Variants in JARID2 observed in about 807,000 individuals in gnomAD.
The protein encoded by JARID2 is jumonji and AT-rich interaction domain containing 2, also known as protein Jumonji.
JARID2 carries 21 observed loss-of-function variants against 125.6 expected under a neutral mutation model. That is an observed-to-expected ratio of 0.17 (90% CI 0.12 to 0.24). The LOEUF is 0.24. JARID2 is among the 10% of genes least tolerant of loss of function. JARID2 has a pLI of 1.00. For synonymous variants in JARID2, 736 were observed against 661.6 expected, an observed-to-expected ratio of 1.11 and a Z score of -1.73; for missense variants, 1,303 against 1,639.6, an observed-to-expected ratio of 0.79 and a Z score of 3.55.
At chr6:15,325,635 A>T (rs536127688) in intron 1 of JARID2, among the ~76,000 whole-genome samples, 1 of 152,316 alleles carries the variant, frequency 6.6e-6, no homozygotes, top group East Asian at 1.9e-4. Context: ...AATCTTGCTA[A>T]GTCAAGGAAA....
At chr6:15,433,924 GTGTGTGTGT>G (rs1561860300) in intron 3 of JARID2, among the ~76,000 whole-genome samples, 21 of 25,360 alleles carry the variant, frequency 8.3e-4, no homozygotes, top group African/African-American at 3.1e-3. Context: ...TCTCCAGGGT[GTGTGTGTGT>G]GTGTGTGTGT....
intron 4 of JARID2, among the ~76,000 whole-genome samples, chr6:15,461,357 A>G (rs1024915647): frequency 1.3e-5 from 2 of 152,114 alleles, no homozygotes; most frequent in African/African-American, 4.8e-5. Flanking sequence ...ATACTACCCT[A>G]ATGTCGGGAA....
At chr6:15,339,916 T>A (rs1456183009) in intron 1 of JARID2, among the ~76,000 whole-genome samples, 1 of 152,118 alleles carries the variant, frequency 6.6e-6, no homozygotes, top group Non-Finnish European at 1.5e-5. Context: ...CAGAGGACAA[T>A]GTTGCTGTTA....
intron 1 of JARID2, among the ~76,000 whole-genome samples, chr6:15,302,674 A>G (rs539036739): frequency 9.8e-5 from 15 of 152,318 alleles, no homozygotes; most frequent in African/African-American, 3.6e-4. Context: ...AAGGCAAAGG[A>G]TAACATATAA....
chr6:15,296,206 TG>T (rs1326046427), intron 1 of JARID2, among the ~76,000 whole-genome samples: 7 of 152,196 alleles, frequency 4.6e-5, no homozygotes, highest in Non-Finnish European at 8.8e-5. Context: ...TAAATGCTAT[TG>T]TTTTTTTATT....
rs146025914 is a variant in JARID2, at chr6:15,433,921, G to GGTGTGTGTGTGTGTGTGT, written c.324-18052_324-18035dup. The stretch of plus-strand genomic sequence containing the variant: ...TTTTCCAGTAGCCCTCACTCTCCAG[G>GGTGTGTGTGTGTGTGTGT]GTGTGTGTGTGTGTGTGTGTGTGTG... On this transcript the variant is annotated intron_variant, in intron 3 of 17. Transcript: ENST00000341776. Among the ~76,000 whole-genome samples the GGTGTGTGTGTGTGTGTGT allele has an allele frequency of 1.4e-4, 19 of 131,382 alleles. 1 individual carries two copies. Among genetic ancestry groups the GGTGTGTGTGTGTGTGTGT allele is most frequent in the East Asian group, 1.4e-3 (6 of 4,194 alleles). 86.2% of individuals were successfully genotyped at this position (131,382 alleles called of 152,430 possible). A position where few individuals can be genotyped will look rare whatever the true frequency, so the allele number is the denominator to read the frequency against.
chr6:15,510,516 C>A (rs1771225382), intron 12 of JARID2, among the ~76,000 whole-genome samples: 1 of 152,194 alleles, frequency 6.6e-6, no homozygotes, highest in African/African-American at 2.4e-5. Context: ...CCTTTTCTTA[C>A]ACTTGAGGAC....
At chr6:15,355,456 A>G (rs1417340710) in intron 1 of JARID2, among the ~76,000 whole-genome samples, 1 of 152,226 alleles carries the variant, frequency 6.6e-6, no homozygotes, top group African/African-American at 2.4e-5. Context: ...TTATTCACAC[A>G]CAGTATTTCA....
intron 4 of JARID2, among the ~76,000 whole-genome samples, chr6:15,458,087 C>A (rs149791993): frequency 9.8e-4 from 149 of 152,258 alleles, no homozygotes; most frequent in African/African-American, 3.4e-3. Flanking sequence ...CTGGCACACG[C>A]GGGGAAGAGG....
At chr6:15,452,314 GAGAA>G in intron 4 of JARID2, 139 bp downstream of exon 4, 1 of 1,276,252 alleles carries the variant, frequency 7.8e-7, no homozygotes, top group Non-Finnish European at 1.0e-6. Flanking sequence ...AATTGAAAGT[GAGAA>G]ATCCCACCGA....
chr6:15,490,921 C>T lies in JARID2; in HGVS notation c.906+3379C>T, dbSNP rs188420503. ...CCACATGTGATTCTCATTTCTTACG[C>T]TGAGGCTGAGTGTGAGAAGAAAATG... On this transcript the variant is annotated intron_variant, in intron 6 of 17. Coordinates refer to ENST00000341776, the MANE Select transcript of JARID2 (RefSeq NM_004973.4). 4.9e-4 allele frequency among the ~76,000 whole-genome samples: 74 copies of T among 152,288 alleles called. 1 individual carries two copies. The highest frequency in any genetic ancestry group is 4.2e-3 in the Admixed American group (64 of 15,302).
chr6:15,502,701 C>T (rs556789607), intron 8 of JARID2, among the ~76,000 whole-genome samples: 1 of 152,344 alleles, frequency 6.6e-6, no homozygotes, highest in South Asian at 2.1e-4. Flanking sequence ...ATCTCATGTC[C>T]TTGCACACTT....
intron 1 of JARID2, among the ~76,000 whole-genome samples, chr6:15,305,887 T>A (rs778312848): frequency 6.6e-6 from 1 of 152,252 alleles, no homozygotes; most frequent in Non-Finnish European, 1.5e-5. Flanking sequence ...TTTAGGTATT[T>A]GTGTTATATG....
chr6:15,288,387 G>A (rs981908784), intron 1 of JARID2, among the ~76,000 whole-genome samples: 3 of 152,156 alleles, frequency 2.0e-5, no homozygotes, highest in Admixed American at 1.3e-4. Flanking sequence ...TGCTAGGACA[G>A]CACCAAGCCA....
intron 1 of JARID2, among the ~76,000 whole-genome samples, chr6:15,352,637 C>A (rs1763468992): frequency 6.6e-6 from 1 of 152,162 alleles, no homozygotes; most frequent in Admixed American, 6.5e-5. Flanking sequence ...ATGAAGTTGT[C>A]TGAGTGTCTA....
At chr6:15,473,013 T>G (rs1561887271) in intron 5 of JARID2, among the ~76,000 whole-genome samples, 1 of 151,142 alleles carries the variant, frequency 6.6e-6, no homozygotes, top group African/African-American at 2.4e-5. Flanking sequence ...GAATTTTTCC[T>G]ACAGAATTTG....
At chr6:15,252,182 G>A (rs1347012905) in intron 1 of JARID2, among the ~76,000 whole-genome samples, 2 of 152,194 alleles carry the variant, frequency 1.3e-5, no homozygotes, top group East Asian at 3.9e-4. Flanking sequence ...AATCAAAACA[G>A]CATAATGTAG....
chr6:15,423,687 C>T (rs141581680), intron 3 of JARID2, among the ~76,000 whole-genome samples: 2,219 of 152,284 alleles, frequency 0.015, 23 homozygotes, highest in Middle Eastern at 0.075. Flanking sequence ...TCACCCTGGG[C>T]TGAGCACGTA....
chr6:15,488,244 T>C (rs1271316880), intron 6 of JARID2, among the ~76,000 whole-genome samples: 1 of 152,216 alleles, frequency 6.6e-6, no homozygotes, highest in Non-Finnish European at 1.5e-5. Flanking sequence ...ATTATTGCTG[T>C]CCAGATGTTC....
Sources: gnomAD v4.1 joint callset for allele counts (sites outside exome capture counted in the v4.1 genomes callset) on GRCh38, gnomAD v4.1.1 for gene constraint, MANE v1.5 for transcripts, NCBI Gene and HGNC (gene_info 2026-07-23, HGNC 2026-07-21) for gene names.